The following MERTK variants were observed in gnomAD, a reference collection of about 807,000 sequenced individuals.
MERTK encodes the protein MER proto-oncogene, tyrosine kinase.
In MERTK, 69 loss-of-function variants were observed where a neutral mutation model predicts 99.3. That is an observed-to-expected ratio of 0.70 (90% CI 0.57 to 0.85). The LOEUF (loss-of-function observed/expected upper bound fraction) is 0.85. Ranked by LOEUF, MERTK falls within the 40% of genes least tolerant of loss-of-function variation. The probability of loss-of-function intolerance (pLI) is 0.00; values close to 1 mark genes in which losing one functional copy is unlikely to be tolerated. For missense variants in MERTK, 1,125 were observed against 1,249.4 expected, an observed-to-expected ratio of 0.90 and a Z score of 1.50; for synonymous variants, 426 against 467.6, an observed-to-expected ratio of 0.91 and a Z score of 1.15.
intron 1 of MERTK, among the ~76,000 whole-genome samples, chr2:111,905,292 ACTAGGAT>A (rs902364451): frequency 3.9e-5 from 6 of 152,244 alleles, no homozygotes; most frequent in African/African-American, 1.4e-4. Flanking sequence ...TCTGACAGGC[ACTAGGAT>A]CTAGGGACAT....
rs1007574253 is a variant in MERTK at position 111,997,167 on chromosome 2, T to C, written c.1451-156T>C. The stretch of plus-strand genomic sequence containing the variant: ...CATCAGTTATTAAGATCTCTTCGCA[T>C]GGTCTCAGCTTACACAAAGTGAGAC... On this transcript the variant is annotated intron_variant, in intron 9 of 18. Transcript: ENST00000295408. 6.9e-6 allele frequency: 6 copies of C among 866,350 alleles called. No homozygotes were observed. The African/African-American group carries it at 9.8e-5, about 14-fold the overall frequency. 53.7% of individuals were successfully genotyped at this position (866,350 alleles called of 1,614,324 possible).
rs1276466735 is a variant in MERTK at position 112,029,546 on chromosome 2, T to C, written c.*682T>C. On this transcript the variant is annotated 3_prime_UTR_variant, in exon 19 of 19. Coordinates refer to ENST00000295408, the MANE Select transcript of MERTK (RefSeq NM_006343.3). Reference sequence around the variant, plus strand: ...GTCTGTAGATAAGGAATAAAGAATATTGAAGGATTGAAAAATACTGTGTGA... The same window carrying C: ...GTCTGTAGATAAGGAATAAAGAATACTGAAGGATTGAAAAATACTGTGTGA... 1 of 156,982 alleles carries C rather than the reference T, an allele frequency of 6.4e-6. No homozygotes were observed. The highest frequency in any genetic ancestry group is 1.4e-5 in the Non-Finnish European group (1 of 72,444). 9.7% of individuals were successfully genotyped at this position (156,982 alleles called of 1,614,324 possible). A position where few individuals can be genotyped will look rare whatever the true frequency, so the allele number is the denominator to read the frequency against.
At chr2:111,956,263 T>A (rs534475292) in intron 4 of MERTK, among the ~76,000 whole-genome samples, 2 of 152,212 alleles carry the variant, frequency 1.3e-5, no homozygotes, top group South Asian at 4.2e-4. Context: ...ATTTATGAGG[T>A]TTCAGTGAAA....
At chr2:111,960,676 T>C (rs1304553302) in intron 4 of MERTK, among the ~76,000 whole-genome samples, 1 of 151,914 alleles carries the variant, frequency 6.6e-6, no homozygotes, top group Non-Finnish European at 1.5e-5. Context: ...TTGTTGCCAA[T>C]AAGTTCCCAT....
intron 1 of MERTK, among the ~76,000 whole-genome samples, chr2:111,904,705 G>T (rs1321462656): frequency 6.6e-6 from 1 of 152,136 alleles, no homozygotes; most frequent in African/African-American, 2.4e-5. Context: ...ACCACATCGA[G>T]CTAGGTTTTC....
At chr2:111,978,118 GT>G (rs56125890) in intron 7 of MERTK, among the ~76,000 whole-genome samples, 88,104 of 143,478 alleles carry the variant, frequency 0.61, 26,641 homozygotes, top group Middle Eastern at 0.71. Flanking sequence ...CTAATTTTTG[GT>G]TTTTTTTTTT....
At chr2:111,920,951 T>C (rs1321788377) in intron 1 of MERTK, among the ~76,000 whole-genome samples, 1 of 151,738 alleles carries the variant, frequency 6.6e-6, no homozygotes, top group Admixed American at 6.6e-5. Flanking sequence ...CCACTGCGAC[T>C]GGCCACTACA....
In MERTK at chr2:112,007,056, A is replaced by G. The variant is rs140305873; in HGVS notation, c.1868-1327A>G. 1.1e-3 allele frequency among the ~76,000 whole-genome samples: 160 copies of G among 152,260 alleles called. 2 individuals are homozygous for G. In the East Asian group the frequency reaches 0.028, roughly 27 times the overall value. On this transcript the variant is annotated intron_variant, in intron 13 of 18. Transcript: ENST00000295408. ...TGTGGCAACATATACATAATATAAA[A>G]TTTACCATTTTAACCATTTTAAGTG...
At chr2:111,996,934 T>G (rs1160821673) in intron 9 of MERTK, 1 of 260,982 alleles carries the variant, frequency 3.8e-6, no homozygotes, top group African/African-American at 2.3e-5. Flanking sequence ...TAATTTTTCA[T>G]GTTTCTAACA....
intron 2 of MERTK, among the ~76,000 whole-genome samples, chr2:111,937,528 A>G (rs79412926): frequency 0.043 from 6,585 of 152,158 alleles, 283 homozygotes; most frequent in Non-Finnish European, 0.06. Context: ...ATGCATCTCC[A>G]TGCAGGCTCC....
intron 11 of MERTK, among the ~76,000 whole-genome samples, chr2:112,002,864 T>C (rs1676897292): frequency 6.6e-6 from 1 of 152,024 alleles, no homozygotes; most frequent in Admixed American, 6.6e-5. Flanking sequence ...TCCCAGCTAC[T>C]TGGGAGGCTG....
chr2:111,957,467 C>CCA (rs1672467171), intron 4 of MERTK, among the ~76,000 whole-genome samples: 1 of 152,094 alleles, frequency 6.6e-6, no homozygotes, highest in African/African-American at 2.4e-5. Context: ...CTCTGATACC[C>CCA]CCCCGCCCAT....
intron 18 of MERTK, among the ~76,000 whole-genome samples, chr2:112,025,303 G>T (rs952417761): frequency 1.3e-5 from 2 of 152,134 alleles, no homozygotes; most frequent in African/African-American, 4.8e-5. Flanking sequence ...GGACTCAGGG[G>T]CTCCTCTCCG....
At position 111,944,970 on chromosome 2, in the gene MERTK, G is replaced by A; in HGVS notation, c.493G>A (p.Val165Met). 6.2e-7 allele frequency: 1 copy of A among 1,613,176 alleles called. No homozygotes were observed. The highest frequency in any genetic ancestry group is 1.1e-5 in the South Asian group (1 of 91,062). ...AIIASFSITS[V>M]QRSDNGSYIC... ...TGTTTTTCTTTGCAGCATAACCAGT[G>A]TGCAGCGTTCAGACAATGGGTCGTA... Residue 165 changes from valine to methionine, a missense_variant, in exon 3 of 19, where the codon GTG (valine) becomes ATG (methionine). Val to Met is a conservative substitution (Grantham distance 21). Coordinates refer to ENST00000295408, the MANE Select transcript of MERTK (RefSeq NM_006343.3).
In MERTK at chr2:111,997,432, C is replaced by T. The variant is rs1253834901; in HGVS notation, c.1560C>T (p.Tyr520=). The T allele has an allele frequency of 1.1e-5, 18 of 1,613,976 alleles. No individual in the cohort carries two copies. Among genetic ancestry groups the T allele is most frequent in the Admixed American group, 1.7e-5 (1 of 60,000 alleles). Residue 520 remains tyrosine, a synonymous_variant, in exon 10 of 19, where the codon TAC becomes TAT. Coordinates refer to ENST00000295408, the MANE Select transcript of MERTK (RefSeq NM_006343.3). ...TTATTTTGATTGGGTTGATTTTATACATCTCCTTGGCCATCAGAAAAAGAG... is the reference window on the plus strand; with the variant it reads ...TTATTTTGATTGGGTTGATTTTATATATCTCCTTGGCCATCAGAAAAAGAG... ...CGFILIGLIL[Y]ISLAIRKRVQ...
At chr2:111,974,769 C>CAAAAAAAAAAAAAAAAAAAAAAAGA (rs1676205729) in intron 6 of MERTK, among the ~76,000 whole-genome samples, 2 of 53,374 alleles carry the variant, frequency 3.7e-5, no homozygotes, top group Non-Finnish European at 3.3e-5. Context: ...AGGTCCATCT[C>CAAAAAAAAAAAAAAAAAAAAAAAGA]AAAAAAAAAA....
chr2:111,987,443 T>A (rs1385952486), intron 8 of MERTK, among the ~76,000 whole-genome samples: 1 of 152,220 alleles, frequency 6.6e-6, no homozygotes, highest in Non-Finnish European at 1.5e-5. Flanking sequence ...ACAAATACAA[T>A]GTGTTCTCTT....
intron 4 of MERTK, among the ~76,000 whole-genome samples, chr2:111,953,756 G>A (rs1399754419): frequency 2.0e-5 from 3 of 152,010 alleles, no homozygotes; most frequent in Non-Finnish European, 4.4e-5. Flanking sequence ...TTGTATTTTT[G>A]TAGAGATGGG....
chr2:111,961,639 A>G (rs773287687), intron 4 of MERTK, among the ~76,000 whole-genome samples: 18 of 152,188 alleles, frequency 1.2e-4, no homozygotes, highest in Non-Finnish European at 2.4e-4. Flanking sequence ...ACAGAGATGT[A>G]TGGGTTTGCT....
Sources: gnomAD v4.1 joint callset for allele counts (sites outside exome capture counted in the v4.1 genomes callset) on GRCh38, gnomAD v4.1.1 for gene constraint, MANE v1.5 for transcripts, NCBI Gene and HGNC (gene_info 2026-07-23, HGNC 2026-07-21) for gene names.